TUBGCP5: variants seen among roughly 807,000 people sequenced by gnomAD.
The protein encoded by TUBGCP5 is gamma-tubulin complex component 5.
A neutral mutation model predicts 134.7 loss-of-function variants in TUBGCP5; 98 were observed. The ratio of observed to expected loss-of-function variants is 0.73; its 90% CI spans 0.62 to 0.86. The LOEUF (loss-of-function observed/expected upper bound fraction) is 0.86, where lower values mean the gene tolerates loss of function less well. Among genes scored for constraint, TUBGCP5 ranks in the 40% least tolerant of loss-of-function variants. TUBGCP5 has a pLI of 0.00. For missense variants in TUBGCP5, 1,150 were observed against 1,244.8 expected, an observed-to-expected ratio of 0.92 and a Z score of 1.15; for synonymous variants, 456 against 431.4, an observed-to-expected ratio of 1.06 and a Z score of -0.71.
intron 23 of TUBGCP5, among the ~76,000 whole-genome samples, chr15:22,993,562 T>C (rs1301674151): frequency 1.5e-5 from 2 of 131,080 alleles, no homozygotes; most frequent in African/African-American, 5.8e-5. Context: ...TTTTTTAATA[T>C]GAGACGGAGT....
chr15:23,010,988 C>T, intron 14 of TUBGCP5, 145 bp downstream of exon 14: 1 of 639,284 alleles, frequency 1.6e-6, no homozygotes, highest in Non-Finnish European at 2.4e-6. Context: ...CTCAAACAAA[C>T]AAAAAAAAAA....
At chr15:23,027,151 T>C (rs1474074237) in intron 7 of TUBGCP5, 41 bp downstream of exon 7, 1 of 1,437,836 alleles carries the variant, frequency 7.0e-7, no homozygotes, top group Non-Finnish European at 9.6e-7. Flanking sequence ...ACATCAAAGT[T>C]TCTTCTATCA....
intron 18 of TUBGCP5, 148 bp downstream of exon 18, chr15:23,005,904 G>A (rs1373456718): frequency 2.4e-6 from 2 of 834,606 alleles, no homozygotes; most frequent in Non-Finnish European, 1.8e-6. Context: ...CACCATTTTG[G>A]CATTTGTGTA....
chr15:23,031,652 C>T (rs1250366112), intron 5 of TUBGCP5, among the ~76,000 whole-genome samples: 1 of 152,084 alleles, frequency 6.6e-6, no homozygotes, highest in Non-Finnish European at 1.5e-5. Context: ...AAAATAGACA[C>T]AGGATCTCGC....
rs957606986 is a variant in TUBGCP5, at chr15:23,025,555, C to T, written c.827+561G>A. 7.2e-5 allele frequency among the ~76,000 whole-genome samples: 11 copies of T among 152,008 alleles called. No individual in the cohort carries two copies. The South Asian group carries it at 8.3e-4, about 11-fold the overall frequency. On this transcript the variant is annotated intron_variant, in intron 8 of 22. Transcript: ENST00000615383. ...CCTATTAAGAATAGTCAGTAGCTAC[C>T]GGCGCGGTGGCTCACGCCTGTAATC...
Position 22,999,723 on chromosome 15 carries a change from T to G in TUBGCP5, c.*97A>C. 7.0e-7 allele frequency: 1 copy of G among 1,418,484 alleles called. No homozygotes were observed. The highest frequency in any genetic ancestry group is 9.9e-7 in the Non-Finnish European group (1 of 1,009,726). The allele number at this position is 1,418,484 out of a possible 1,614,324, so 87.9% of individuals were successfully genotyped here. ...GCTGACTGTGGACAAGTTTTACAAA[T>G]AAACCAAAATAAAAATATTTTCACT... On this transcript the variant is annotated 3_prime_UTR_variant, in exon 23 of 23. Coordinates refer to ENST00000615383, the MANE Select transcript of TUBGCP5 (RefSeq NM_052903.6).
At chr15:23,016,669 G>A (rs73411321) in intron 13 of TUBGCP5, among the ~76,000 whole-genome samples, 6,937 of 151,818 alleles carry the variant, frequency 0.046, 416 homozygotes, top group African/African-American at 0.14. Flanking sequence ...TATTTATCAC[G>A]AAGACAAAAA....
intron 16 of TUBGCP5, 124 bp downstream of exon 16, chr15:23,008,575 A>G: frequency 8.0e-7 from 1 of 1,244,348 alleles, no homozygotes; most frequent in Non-Finnish European, 1.2e-6. Context: ...TCTAATAAGT[A>G]AAATAATATT....
intron 22 of TUBGCP5, chr15:23,000,239 A>G: frequency 6.6e-6 from 8 of 1,213,054 alleles, no homozygotes; most frequent in Non-Finnish European, 8.2e-6. Flanking sequence ...AATTTTTAAA[A>G]AGACTAGATT....
At chr15:23,015,783 G>A (rs972770038) in intron 13 of TUBGCP5, among the ~76,000 whole-genome samples, 9 of 152,118 alleles carry the variant, frequency 5.9e-5, no homozygotes, top group African/African-American at 1.7e-4. Context: ...AGTACATGGA[G>A]ACTATACTAC....
At chr15:23,000,530 A>G in intron 22 of TUBGCP5, 39 bp downstream of exon 22, 2 of 1,602,920 alleles carry the variant, frequency 1.2e-6, no homozygotes, top group Non-Finnish European at 1.7e-6. Flanking sequence ...AGTTACAAGG[A>G]AATACAGAGG....
downstream of TUBGCP5, among the ~76,000 whole-genome samples, chr15:22,998,536 G>A (rs1304588089): frequency 6.6e-6 from 1 of 152,034 alleles, no homozygotes; most frequent in Admixed American, 6.6e-5. Flanking sequence ...ATGGTTCACT[G>A]CAGCCTTGAC....
chr15:23,005,582 T>A lies in TUBGCP5; in HGVS notation c.2562A>T (p.Arg854=). 1.9e-6 allele frequency: 3 copies of A among 1,614,132 alleles called. No homozygotes were observed. Among genetic ancestry groups the A allele is most frequent in the Non-Finnish European group, 2.5e-6 (3 of 1,180,014 alleles). The change falls in exon 19 of 23, where the codon CGA becomes CGT. Residue 854 remains arginine, a synonymous_variant. Coordinates refer to ENST00000615383, the MANE Select transcript of TUBGCP5 (RefSeq NM_052903.6). Reference sequence around the variant, plus strand: ...GTTCATGTATAAGGCCTTCTTTAAGTCGTGGTTTTTCTGCAGTACTAACCA... The same window carrying A: ...GTTCATGTATAAGGCCTTCTTTAAGACGTGGTTTTTCTGCAGTACTAACCA... The part of the protein sequence containing the change: ...GELVSTAEKP[R]LKEGLIHEQD...
Position 23,026,178 on chromosome 15 carries a change from T to C in TUBGCP5, c.765A>G (p.Pro255=). The part of the protein sequence containing the change: ...VWDQHLYSSD[P]LYVPDDRVLV... ...AAACCCTGTCATCTGGAACATACAATGGATCACTGCTGTACAAGTGTTGGT... is the reference window on the plus strand; with the variant it reads ...AAACCCTGTCATCTGGAACATACAACGGATCACTGCTGTACAAGTGTTGGT... The change falls in exon 8 of 23, where the codon CCA becomes CCG. Residue 255 remains proline (P), a synonymous_variant. Transcript: ENST00000615383. 1 of 1,612,792 alleles carries C rather than the reference T, an allele frequency of 6.2e-7. No homozygotes were observed. The highest frequency in any genetic ancestry group is 8.5e-7 in the Non-Finnish European group (1 of 1,179,658).
At chr15:23,016,969 G>GATATGTGTAT (rs1555439436) in intron 13 of TUBGCP5, among the ~76,000 whole-genome samples, 4 of 109,392 alleles carry the variant, frequency 3.7e-5, no homozygotes, top group African/African-American at 1.4e-4. Flanking sequence ...AAAATTGTGA[G>GATATGTGTAT]ATATATATAT....
At position 23,030,948 on chromosome 15, in the gene TUBGCP5, C is replaced by A. The variant is rs200815257; in HGVS notation, c.559G>T (p.Asp187Tyr). The change falls in exon 6 of 23, where the codon GAC becomes TAC. Residue 187 changes from aspartate to tyrosine, a missense_variant. Coordinates refer to ENST00000615383, the MANE Select transcript of TUBGCP5 (RefSeq NM_052903.6). ...LSREDSGIQV[D>Y]RTPLEEQDQN... ...TCTTGTTCTTCTAACGGTGTCCTGT[C>A]TACCTGAATTCCAGAGTCCTCTCTG... The A allele has an allele frequency of 1.7e-5, 27 of 1,613,644 alleles. No homozygotes were observed. Among genetic ancestry groups the A allele is most frequent in the Non-Finnish European group, 8.5e-7 (1 of 1,179,856 alleles).
chr15:22,998,053 G>A (rs570178612), downstream of TUBGCP5, among the ~76,000 whole-genome samples: 1 of 152,118 alleles, frequency 6.6e-6, no homozygotes, highest in African/African-American at 2.4e-5. Context: ...AGTGGCTCAC[G>A]CCTGTAATCC....
chr15:23,030,938 G>A lies in TUBGCP5; in HGVS notation c.569C>T (p.Pro190Leu), dbSNP rs772651127. The change falls in exon 6 of 23, where the codon CCG becomes CTG. Residue 190 changes from proline to leucine, a missense_variant. Coordinates refer to ENST00000615383, the MANE Select transcript of TUBGCP5 (RefSeq NM_052903.6). ...EDSGIQVDRT[P>L]LEEQDQNRKL... ...TCTGTTTTGATCTTGTTCTTCTAACGGTGTCCTGTCTACCTGAATTCCAGA... is the reference window on the plus strand; with the variant it reads ...TCTGTTTTGATCTTGTTCTTCTAACAGTGTCCTGTCTACCTGAATTCCAGA... 2.3e-5 allele frequency: 37 copies of A among 1,613,342 alleles called. No individual in the cohort carries two copies. The highest frequency in any genetic ancestry group is 6.7e-5 in the Admixed American group (4 of 59,816).
rs181596008 is a variant in TUBGCP5, at chr15:23,031,380, G to A, written c.487-360C>T. Reference sequence around the variant, plus strand: ...CATCCAGGTTGGAGTGCAATAGCACGATCTCAGCTCATTGCAACCTCCACC... The same window carrying A: ...CATCCAGGTTGGAGTGCAATAGCACAATCTCAGCTCATTGCAACCTCCACC... On this transcript the variant is annotated intron_variant, in intron 5 of 22. Coordinates refer to ENST00000615383, the MANE Select transcript of TUBGCP5 (RefSeq NM_052903.6). Among the ~76,000 whole-genome samples, 824 of 151,464 alleles carry A rather than the reference G, an allele frequency of 5.4e-3. 5 individuals are homozygous for A. The highest frequency in any genetic ancestry group is 8.4e-3 in the Non-Finnish European group (568 of 67,908).
Sources: gnomAD v4.1 joint callset for allele counts (sites outside exome capture counted in the v4.1 genomes callset) on GRCh38, gnomAD v4.1.1 for gene constraint, MANE v1.5 for transcripts, NCBI Gene and HGNC (gene_info 2026-07-23, HGNC 2026-07-21) for gene names.